The following LACC1 variants were observed in gnomAD, a reference collection of about 807,000 sequenced individuals.
LACC1 encodes the protein laccase domain multifunctional purine nucleosidase 1, also known as purine nucleoside phosphorylase LACC1.
A neutral mutation model predicts 34.8 loss-of-function variants in LACC1; 25 were observed. That is an observed-to-expected ratio of 0.72 (90% CI 0.52 to 1.00). The LOEUF (loss-of-function observed/expected upper bound fraction) is 1.00. Ranked by LOEUF, LACC1 falls within the 50% of genes least tolerant of loss-of-function variation. LACC1 has a pLI of 0.00. For synonymous variants in LACC1, 162 were observed against 168.0 expected (o/e 0.96, Z 0.28); for missense variants, 426 against 511.2 (o/e 0.83, Z 1.61).
At chr13:43,879,804 GAGGCGGGGCGAGGTGGGCGAGGT>G (rs1445180979), upstream of LACC1, 1,564 of 94,538 alleles carry the variant, frequency 0.017, 15 homozygotes, top group Non-Finnish European at 0.033. Context: ...GGGGCGAGGC[GAGGCGGGGCGAGGTGGGCGAGGT>G]GGGCGAGGTG....
intron 4 of LACC1, among the ~76,000 whole-genome samples, chr13:43,884,610 G>A (rs1471571700): frequency 6.6e-6 from 1 of 152,138 alleles, no homozygotes; most frequent in Non-Finnish European, 1.5e-5. Context: ...GGTATATTGT[G>A]TTAAGGATAT....
At chr13:43,891,336 A>T in intron 6 of LACC1, 113 bp from the exon 7 acceptor site, 1 of 337,544 alleles carries the variant, frequency 3.0e-6, no homozygotes, top group East Asian at 1.6e-4. Context: ...ACTCTTTACA[A>T]TGTTTTTAGC....
At chr13:43,886,799 G>T (rs1411044735) in intron 4 of LACC1, among the ~76,000 whole-genome samples, 1 of 152,056 alleles carries the variant, frequency 6.6e-6, no homozygotes, top group African/African-American at 2.4e-5. Context: ...AATATAATTA[G>T]CTACATTGTA....
intron 6 of LACC1, 53 bp from the exon 7 acceptor site, chr13:43,891,396 T>C: frequency 1.2e-6 from 1 of 868,990 alleles, no homozygotes; most frequent in Non-Finnish European, 1.4e-6. Context: ...CTTACCTTGA[T>C]ATTCTAATAA....
At chr13:43,883,601 A>G (rs981163220) in intron 3 of LACC1, among the ~76,000 whole-genome samples, 170 bp from the exon 4 acceptor site, 1 of 152,234 alleles carries the variant, frequency 6.6e-6, no homozygotes, top group Non-Finnish European at 1.5e-5. Context: ...AAATAGTTAA[A>G]TTATAAGTAA....
At position 43,881,067 on chromosome 13, in the gene LACC1, T is replaced by G; in HGVS notation, c.82T>G (p.Leu28Val). The G allele has an allele frequency of 6.2e-7, 1 of 1,614,192 alleles. No homozygotes were observed. Among genetic ancestry groups the G allele is most frequent in the Admixed American group, 1.7e-5 (1 of 60,026 alleles). The change falls in exon 2 of 7, where the codon TTG (leucine) becomes GTG (valine). Residue 28 changes from leucine to valine, a missense_variant. This residue lies in a region of LACC1 where 217 missense variants were observed against 210.9 expected (regional missense o/e 1.03). Coordinates refer to ENST00000325686, the MANE Select transcript of LACC1 (RefSeq NM_153218.4). ...CTGCCATCAGACATTACTGAAGACTTTGAATGCTGTCCAATACCACCATGC... is the reference window on the plus strand; with the variant it reads ...CTGCCATCAGACATTACTGAAGACTGTGAATGCTGTCCAATACCACCATGC... ...KNCHQTLLKT[L>V]NAVQYHHAAK...
chr13:43,888,925 C>A lies in LACC1; in HGVS notation c.1076C>A (p.Ala359Glu), dbSNP rs1197506997. ...GAGGCATTTCATAATCTTCATCCTG[C>A]ATGTGTACAACTATTTGATTCACCA... is the stretch of plus-strand genomic sequence containing the variant. ...SAEAFHNLHP[A>E]CVQLFDSPNP... The change falls in exon 5 of 7, where the codon GCA (alanine) becomes GAA (glutamate). Residue 359 changes from alanine (A) to glutamate (E), a missense_variant. Coordinates refer to ENST00000325686, the MANE Select transcript of LACC1 (RefSeq NM_153218.4). 1 of 1,613,772 alleles carries A rather than the reference C, an allele frequency of 6.2e-7. No individual in the cohort carries two copies. The highest frequency in any genetic ancestry group is 8.5e-7 in the Non-Finnish European group (1 of 1,179,848).
In LACC1 at chr13:43,881,414, T is replaced by G; in HGVS notation, c.429T>G (p.Phe143Leu). The part of the protein sequence containing the change: ...DLQVTFRGGL[F>L]KQSIEINVIT... ...AAGTGACTTTTAGGGGAGGGCTTTT[T>G]AAACAGTCCATTGAAATAAACGTAA... The change falls in exon 2 of 7, where the codon TTT becomes TTG. Residue 143 changes from phenylalanine (F) to leucine (L), a missense_variant. Coordinates refer to ENST00000325686, the MANE Select transcript of LACC1 (RefSeq NM_153218.4). The G allele has an allele frequency of 6.2e-7, 1 of 1,614,128 alleles. No individual in the cohort carries two copies. Among genetic ancestry groups the G allele is most frequent in the Non-Finnish European group, 8.5e-7 (1 of 1,180,000 alleles).
Position 43,892,756 on chromosome 13 carries a change from C to T in LACC1, c.*1309C>T, listed in dbSNP as rs775943140. The T allele has an allele frequency of 4.5e-5, 6 of 134,324 alleles. No homozygotes were observed. The highest frequency in any genetic ancestry group is 9.6e-5 in the Non-Finnish European group (6 of 62,600). The allele number at this position is 134,324 out of a possible 1,614,324, so 8.3% of individuals were successfully genotyped here. ...ATCCAATAATACAACCTTATAGTCA[C>T]AGAAGTAAGAAAAAAAGGGTAGTTG... On this transcript the variant is annotated 3_prime_UTR_variant, in exon 7 of 7. Transcript: ENST00000325686.
At chr13:43,886,937 T>C (rs1955361703) in intron 4 of LACC1, among the ~76,000 whole-genome samples, 1 of 152,064 alleles carries the variant, frequency 6.6e-6, no homozygotes, top group South Asian at 2.1e-4. Context: ...GTGGATGAAC[T>C]ACAAGTGAGA....
chr13:43,879,759 G>GC (rs1954841422), upstream of LACC1: 1 of 142,226 alleles, frequency 7.0e-6, no homozygotes, highest in Non-Finnish European at 1.6e-5. Context: ...GCGGGGCGAG[G>GC]TGGGCGAGGG....
chr13:43,881,422 C>T lies in LACC1; in HGVS notation c.437C>T (p.Ser146Phe). Reference protein sequence around the residue: ...VTFRGGLFKQSIEINVITAQE... With the variant: ...VTFRGGLFKQFIEINVITAQE... Reference sequence around the variant, plus strand: ...TTTAGGGGAGGGCTTTTTAAACAGTCCATTGAAATAAACGTAATCACAGCT... The same window carrying T: ...TTTAGGGGAGGGCTTTTTAAACAGTTCATTGAAATAAACGTAATCACAGCT... The change falls in exon 2 of 7, where the codon TCC becomes TTC. Residue 146 changes from serine to phenylalanine, a missense_variant. Transcript: ENST00000325686. The T allele has an allele frequency of 6.2e-7, 1 of 1,613,966 alleles. No homozygotes were observed. The highest frequency in any genetic ancestry group is 8.5e-7 in the Non-Finnish European group (1 of 1,179,954).
intron 4 of LACC1, among the ~76,000 whole-genome samples, chr13:43,885,296 C>G (rs1326702572): frequency 6.6e-6 from 1 of 152,080 alleles, no homozygotes; most frequent in Non-Finnish European, 1.5e-5. Context: ...CCCAAATAGC[C>G]AAAGCTATCC....
intron 6 of LACC1, 120 bp downstream of exon 6, chr13:43,890,394 A>AG (rs1472841046): frequency 1.4e-5 from 11 of 782,554 alleles, no homozygotes; most frequent in Non-Finnish European, 2.1e-5. Context: ...AAAAAAAAAA[A>AG]GTTAATTATG....
At chr13:43,882,564 G>GAGATATAT (rs1555395025) in intron 3 of LACC1, among the ~76,000 whole-genome samples, 1 of 139,116 alleles carries the variant, frequency 7.2e-6, no homozygotes, top group Non-Finnish European at 1.5e-5. Context: ...CACACGTGCA[G>GAGATATAT]ATATATATAT....
At chr13:43,889,704 T>G (rs1357097011) in intron 5 of LACC1, among the ~76,000 whole-genome samples, 1 of 152,172 alleles carries the variant, frequency 6.6e-6, no homozygotes, top group African/African-American at 2.4e-5. Flanking sequence ...GAAGCAAGTT[T>G]TCTGAGAAAA....
rs1410344528 is a variant in LACC1 at position 43,892,053 on chromosome 13, A to G, written c.*606A>G. 6.6e-6 allele frequency: 1 copy of G among 152,118 alleles called. No individual in the cohort carries two copies. The highest frequency in any genetic ancestry group is 1.5e-5 in the Non-Finnish European group (1 of 68,020). 9.4% of individuals were successfully genotyped at this position (152,118 alleles called of 1,614,324 possible). A position where few individuals can be genotyped will look rare whatever the true frequency, so the allele number is the denominator to read the frequency against. ...GGGCATGAAACTGAAAGTGCATAAC[A>G]TATTCTAGAGAGAGAAGGGTGTGGG... On this transcript the variant is annotated 3_prime_UTR_variant, in exon 7 of 7. Coordinates refer to ENST00000325686, the MANE Select transcript of LACC1 (RefSeq NM_153218.4).
chr13:43,888,838 T>C lies in LACC1; in HGVS notation c.989T>C (p.Ile330Thr), dbSNP rs779780946. The change falls in exon 5 of 7, where the codon ATT becomes ACT. Residue 330 changes from isoleucine to threonine, a missense_variant. By Grantham distance (89) the Ile-to-Thr change is moderately conservative. This residue lies in a region of LACC1 where 209 missense variants were observed against 300.3 expected (regional missense o/e 0.70). Transcript: ENST00000325686. ...GAATATGGCTGCAGTTTGGAAGACA[T>C]TGTTGTTGTACTTGGACCTTCAGTA... Reference protein sequence around the residue: ...IAEYGCSLEDIVVVLGPSVGP... With the variant: ...IAEYGCSLEDTVVVLGPSVGP... The C allele has an allele frequency of 1.4e-5, 22 of 1,613,772 alleles. No homozygotes were observed. The Admixed American group carries it at 2.8e-4, about 21-fold the overall frequency.
chr13:43,879,826 G>GCGGGGCGAGGCGAGGC (rs1566961228), upstream of LACC1: 1 of 70,436 alleles, frequency 1.4e-5, no homozygotes. Context: ...GGTGGGCGAG[G>GCGGGGCGAGGCGAGGC]TGGGCGAGGT....
Sources: gnomAD v4.1 joint callset for allele counts (sites outside exome capture counted in the v4.1 genomes callset) on GRCh38, gnomAD v4.1.1 for gene constraint, gnomAD v4.1.1 regional missense constraint, MANE v1.5 for transcripts, NCBI Gene and HGNC (gene_info 2026-07-23, HGNC 2026-07-21) for gene names.